Variants in RCBTB1 observed in about 807,000 individuals in gnomAD.
RCBTB1 encodes the protein RCC1 and BTB domain containing protein 1.
RCBTB1 carries 46 observed loss-of-function variants against 62.4 expected under a neutral mutation model. The observed-to-expected ratio is 0.74, with a 90% CI of 0.58 to 0.94. The LOEUF (loss-of-function observed/expected upper bound fraction) is 0.94, where lower values mean the gene tolerates loss of function less well. Ranked by LOEUF, RCBTB1 falls within the 40% of genes least tolerant of loss-of-function variation. RCBTB1 has a pLI of 0.00. For synonymous variants in RCBTB1, 222 were observed against 245.8 expected (o/e 0.90, Z 0.91); for missense variants, 565 against 654.9 (o/e 0.86, Z 1.50).
intron 10 of RCBTB1, among the ~76,000 whole-genome samples, chr13:49,543,391 T>A (rs189343513): frequency 1.3e-5 from 2 of 152,338 alleles, no homozygotes; most frequent in Admixed American, 1.3e-4. Context: ...GTCAGAAAAC[T>A]GTACATGAAA....
intron 12 of RCBTB1, among the ~76,000 whole-genome samples, chr13:49,534,771 C>G (rs962675751): frequency 1.3e-5 from 2 of 152,192 alleles, no homozygotes; most frequent in African/African-American, 4.8e-5. Context: ...CGGTGGCTCA[C>G]GCCTGTAATC....
chr13:49,534,109 G>C lies in RCBTB1; in HGVS notation c.*13C>G. ...CCCCAGAGCACTCACACAGAACCCA[G>C]CAGCCTTGCGCTTCAGTTCTTAAAG... On this transcript the variant is annotated 3_prime_UTR_variant, in exon 13 of 13. Transcript: ENST00000378302. 1 of 1,612,572 alleles carries C rather than the reference G, an allele frequency of 6.2e-7. No individual in the cohort carries two copies. Among genetic ancestry groups the C allele is most frequent in the Non-Finnish European group, 8.5e-7 (1 of 1,179,184 alleles).
intron 9 of RCBTB1, chr13:49,547,292 C>CT: frequency 3.1e-5 from 22 of 707,190 alleles, no homozygotes; most frequent in Non-Finnish European, 4.3e-5. Context: ...CCCTTGCCTC[C>CT]ATGCCCATGA....
At chr13:49,541,910 A>T in intron 10 of RCBTB1, 83 bp from the exon 11 acceptor site, 2 of 1,453,578 alleles carry the variant, frequency 1.4e-6, no homozygotes, top group Non-Finnish European at 1.8e-6. Context: ...AGTTGATAAA[A>T]TCAGATAAAC....
rs1959710798 is a variant in RCBTB1, at chr13:49,533,595, A to C, written c.*527T>G. 1 of 152,256 alleles carries C rather than the reference A, an allele frequency of 6.6e-6. No individual in the cohort carries two copies. 9.4% of individuals were successfully genotyped at this position (152,256 alleles called of 1,614,324 possible). A position where few individuals can be genotyped will look rare whatever the true frequency, so the allele number is the denominator to read the frequency against. ...AAAAGTCATCAACGCAAGCACACAAACAAAAGTCTGAAACAATCTTAATTA... is the reference window on the plus strand; with the variant it reads ...AAAAGTCATCAACGCAAGCACACAACCAAAAGTCTGAAACAATCTTAATTA... On this transcript the variant is annotated 3_prime_UTR_variant, in exon 13 of 13. Transcript: ENST00000378302.
At chr13:49,559,827 C>T (rs910632026) in intron 5 of RCBTB1, 91 bp downstream of exon 5, 4 of 1,243,882 alleles carry the variant, frequency 3.2e-6, no homozygotes, top group Non-Finnish European at 4.5e-6. Context: ...GAACTATACA[C>T]TTAAAACTGG....
At chr13:49,547,855 C>T (rs558468709) in intron 9 of RCBTB1, among the ~76,000 whole-genome samples, 1 of 152,238 alleles carries the variant, frequency 6.6e-6, no homozygotes, top group South Asian at 2.1e-4. Flanking sequence ...GTGGTGCGAC[C>T]ACAGTTCACT....
At chr13:49,548,698 A>T (rs1372668834) in intron 9 of RCBTB1, among the ~76,000 whole-genome samples, 2 of 151,920 alleles carry the variant, frequency 1.3e-5, no homozygotes, top group East Asian at 3.9e-4. Context: ...AGCCAGACAC[A>T]TGGGTCACAT....
chr13:49,536,641 G>C (rs1228206906), intron 12 of RCBTB1, among the ~76,000 whole-genome samples: 3 of 152,182 alleles, frequency 2.0e-5, no homozygotes, highest in African/African-American at 7.2e-5. Flanking sequence ...CATGTGACCA[G>C]GAGATGAACA....
At chr13:49,572,901 T>C (rs979379342) in intron 2 of RCBTB1, among the ~76,000 whole-genome samples, 3 of 152,232 alleles carry the variant, frequency 2.0e-5, no homozygotes, top group Non-Finnish European at 2.9e-5. Context: ...TATTCCTGTA[T>C]GAAGGAGGCA....
intron 9 of RCBTB1, chr13:49,546,165 T>C: frequency 1.0e-6 from 1 of 985,258 alleles, no homozygotes; most frequent in East Asian, 1.1e-4. Context: ...CCACTTCTCA[T>C]CAGTGCTTCA....
chr13:49,541,645 C>T (rs370565779), intron 11 of RCBTB1, 31 bp downstream of exon 11: 76 of 1,576,870 alleles, frequency 4.8e-5, no homozygotes, highest in Non-Finnish European at 6.1e-5. Context: ...CTCCACCATG[C>T]GGCTCGTCCA....
At chr13:49,559,878 G>GA (rs199810507) in intron 5 of RCBTB1, 40 bp downstream of exon 5, 47,707 of 1,152,078 alleles carry the variant, frequency 0.041, 189 homozygotes, top group East Asian at 0.12. Context: ...TTACTATGAT[G>GA]AAAAAAAAAA....
At chr13:49,551,020 T>G (rs1374466849) in intron 8 of RCBTB1, among the ~76,000 whole-genome samples, 2 of 151,602 alleles carry the variant, frequency 1.3e-5, no homozygotes, top group Admixed American at 1.3e-4. Context: ...GAAGAATCAC[T>G]TGAACCCACG....
intron 10 of RCBTB1, among the ~76,000 whole-genome samples, chr13:49,543,137 G>C (rs1277176227): frequency 6.6e-6 from 1 of 152,000 alleles, no homozygotes; most frequent in African/African-American, 2.4e-5. Flanking sequence ...GTTAGTGCAC[G>C]ATTGTAATCC....
At chr13:49,575,767 TA>T (rs1256108782) in intron 2 of RCBTB1, among the ~76,000 whole-genome samples, 3 of 152,196 alleles carry the variant, frequency 2.0e-5, no homozygotes, top group Non-Finnish European at 2.9e-5. Context: ...GTACACAGGC[TA>T]AAAAACTACC....
At chr13:49,546,455 G>T in intron 9 of RCBTB1, 1 of 485,314 alleles carries the variant, frequency 2.1e-6, no homozygotes, top group Non-Finnish European at 2.7e-6. Context: ...GACCGAGGCG[G>T]GGAGGAGGAT....
At chr13:49,544,287 T>C (rs1396921921) in intron 10 of RCBTB1, among the ~76,000 whole-genome samples, 1 of 152,040 alleles carries the variant, frequency 6.6e-6, no homozygotes, top group Non-Finnish European at 1.5e-5. Flanking sequence ...CTGACCAACA[T>C]GGAGAAACCC....
intron 4 of RCBTB1, among the ~76,000 whole-genome samples, chr13:49,565,876 A>G (rs1962949971): frequency 6.6e-6 from 1 of 150,554 alleles, no homozygotes; most frequent in African/African-American, 2.5e-5. Flanking sequence ...GTGTCTGTGT[A>G]GAAAGAAGTA....
Sources: gnomAD v4.1 joint callset for allele counts (sites outside exome capture counted in the v4.1 genomes callset) on GRCh38, gnomAD v4.1.1 for gene constraint, MANE v1.5 for transcripts, NCBI Gene and HGNC (gene_info 2026-07-23, HGNC 2026-07-21) for gene names.